KREMEN2: variants seen among roughly 807,000 people sequenced by gnomAD.
KREMEN2 encodes kringle containing transmembrane protein 2.
In KREMEN2, 43 loss-of-function variants were observed where a neutral mutation model predicts 49.8. The observed-to-expected ratio is 0.86, with a 90% CI of 0.68 to 1.11. KREMEN2 has a LOEUF of 1.11. Ranked by LOEUF, KREMEN2 falls within the 50% of genes most tolerant of loss-of-function variation. The probability of loss-of-function intolerance (pLI) is 0.00; values close to 1 mark genes in which losing one functional copy is unlikely to be tolerated. For synonymous variants in KREMEN2, 355 were observed against 304.9 expected (o/e 1.16, Z -1.71); for missense variants, 686 against 665.7 (o/e 1.03, Z -0.34).
chr16:2,964,411 G>T lies in KREMEN2; in HGVS notation c.-110G>T. On this transcript the variant is annotated 5_prime_UTR_variant, in exon 1 of 9. Coordinates refer to ENST00000303746, the MANE Select transcript of KREMEN2 (RefSeq NM_172229.3). ...AGCGCGGCTCAGAGTCGGACGAGGG[G>T]AGACTGTCAGAGGACAACGCCCCCT... 1.4e-6 allele frequency: 1 copy of T among 726,542 alleles called. No homozygotes were observed. The highest frequency in any genetic ancestry group is 2.3e-6 in the Non-Finnish European group (1 of 436,800). The allele number at this position is 726,542 out of a possible 1,614,324, so 45.0% of individuals were successfully genotyped here. A position where few individuals can be genotyped will look rare whatever the true frequency, so the allele number is the denominator to read the frequency against.
chr16:2,967,746 GC>G, intron 8 of KREMEN2, 63 bp from the exon 9 acceptor site: 2 of 1,543,580 alleles, frequency 1.3e-6, no homozygotes, highest in Admixed American at 3.9e-5. Flanking sequence ...GCGCGGGATC[GC>G]AGGTAGAGCA....
rs1360821031 is a variant in KREMEN2 at position 2,967,327 on chromosome 16, G to A, written c.981G>A (p.Gln327=). ...QGFALTYRGL[Q]DAAEDPEAPE... ...TCACGCCCCTCTCCGCAGGGCTGCA[G>A]GACGCCGCTGAGGACCCAGAGGCCC... The change falls in exon 7 of 9, where the codon CAG becomes CAA. Residue 327 remains glutamine (Q), a synonymous_variant. Transcript: ENST00000303746. 1.6e-5 allele frequency: 22 copies of A among 1,400,528 alleles called. No individual in the cohort carries two copies. Among genetic ancestry groups the A allele is most frequent in the Non-Finnish European group, 2.0e-5 (22 of 1,088,740 alleles). The allele number at this position is 1,400,528 out of a possible 1,614,324, so 86.8% of individuals were successfully genotyped here.
In KREMEN2 at chr16:2,968,316, G is replaced by A. The variant is rs1273185663; in HGVS notation, c.*296G>A. The A allele has an allele frequency of 6.6e-6, 10 of 1,512,474 alleles. No individual in the cohort carries two copies. The highest frequency in any genetic ancestry group is 4.8e-5 in the South Asian group (4 of 83,564). 93.7% of individuals were successfully genotyped at this position (1,512,474 alleles called of 1,614,324 possible). ...CCTGGACTGCCGTCCTCAGTGAGAG[G>A]TCACAGGTCAGCAAAAACAGTCAAA... On this transcript the variant is annotated 3_prime_UTR_variant, in exon 9 of 9. Coordinates refer to ENST00000303746, the MANE Select transcript of KREMEN2 (RefSeq NM_172229.3).
chr16:2,966,269 G>T lies in KREMEN2; in HGVS notation c.361+38G>T. ...GCTGGACAGAGGTGGGAACGCTGCT[G>T]CATCTGGGAGGAGGGTTGTTTTCGG... On this transcript the variant is annotated intron_variant, in intron 3 of 8. Transcript: ENST00000303746. The surrounding 1 kb of genome is among the most constrained non-coding windows in gnomAD (Gnocchi z 8.4). The T allele has an allele frequency of 6.2e-7, 1 of 1,613,312 alleles. No homozygotes were observed. The highest frequency in any genetic ancestry group is 8.5e-7 in the Non-Finnish European group (1 of 1,179,940).
Position 2,967,240 on chromosome 16 carries a change from G to C in KREMEN2, c.971G>C (p.Arg324Pro). Residue 324 changes from arginine (R) to proline (P), a missense_variant and splice_region_variant, in exon 6 of 9, where the codon CGC (arginine) becomes CCC (proline). Arg to Pro is a moderately radical substitution (Grantham distance 103). Coordinates refer to ENST00000303746, the MANE Select transcript of KREMEN2 (RefSeq NM_172229.3). The stretch of plus-strand genomic sequence containing the variant: ...GCGCAAGGCTTCGCGCTCACCTACC[G>C]CGGTGAGCCTCAGCTCGGCGCGCCC... Reference protein sequence around the residue: ...GHAQGFALTYRGLQDAAEDPE... With the variant: ...GHAQGFALTYPGLQDAAEDPE... 7.4e-7 allele frequency: 1 copy of C among 1,351,874 alleles called. No homozygotes were observed. Among genetic ancestry groups the C allele is most frequent in the Non-Finnish European group, 9.4e-7 (1 of 1,060,388 alleles). 83.7% of individuals were successfully genotyped at this position (1,351,874 alleles called of 1,614,324 possible).
At chr16:2,967,726 ACAGGATCGCGCG>A in intron 8 of KREMEN2, 72 bp from the exon 9 acceptor site, 1 of 1,545,526 alleles carries the variant, frequency 6.5e-7, no homozygotes, top group East Asian at 2.4e-5. Flanking sequence ...GGGTCCACGC[ACAGGATCGCGCG>A]CGGGATCGCA....
Position 2,967,622 on chromosome 16 carries a change from A to G in KREMEN2, c.1178+18A>G. On this transcript the variant is annotated intron_variant, in intron 8 of 8. Coordinates refer to ENST00000303746, the MANE Select transcript of KREMEN2 (RefSeq NM_172229.3). ...CGCCGACGGTGCGGGGCGCTGGGGC[A>G]GGGCCTGAGGGCGGACCGGTGGTGG... The G allele has an allele frequency of 6.5e-7, 1 of 1,529,806 alleles. No homozygotes were observed. The allele number at this position is 1,529,806 out of a possible 1,614,324, so 94.8% of individuals were successfully genotyped here. A position where few individuals can be genotyped will look rare whatever the true frequency, so the allele number is the denominator to read the frequency against.
At position 2,964,533 on chromosome 16, in the gene KREMEN2, G is replaced by C. The variant is rs1486952789; in HGVS notation, c.13G>C (p.Ala5Pro). 7.5e-6 allele frequency: 12 copies of C among 1,595,722 alleles called. No individual in the cohort carries two copies. Among genetic ancestry groups the C allele is most frequent in the Non-Finnish European group, 1.0e-5 (12 of 1,171,716 alleles). Residue 5 changes from alanine (A) to proline (P), a missense_variant, in exon 1 of 9, where the codon GCC (alanine) becomes CCC (proline). Transcript: ENST00000303746. ...TTGGTTGAGAGCGATGGGGACACAA[G>C]CCCTGCAGGGCTTCCTCTTTCTCCT... MGTQ[A>P]LQGFLFLLFL...
At chr16:2,965,984 G>A (rs528111407) in intron 2 of KREMEN2, among the ~76,000 whole-genome samples, 156 bp from the exon 3 acceptor site, 1 of 152,320 alleles carries the variant, frequency 6.6e-6, no homozygotes, top group South Asian at 2.1e-4. Flanking sequence ...AGAGTTCTGC[G>A]TAGACAAAAC....
At position 2,968,336 on chromosome 16, in the gene KREMEN2, G is replaced by T; in HGVS notation, c.*316G>T. ...GAGAGGTCACAGGTCAGCAAAAACA[G>T]TCAAAAAACCCCCACAGATTTTGAA... On this transcript the variant is annotated 3_prime_UTR_variant, in exon 9 of 9. Coordinates refer to ENST00000303746, the MANE Select transcript of KREMEN2 (RefSeq NM_172229.3). 6.5e-7 allele frequency: 1 copy of T among 1,534,230 alleles called. No individual in the cohort carries two copies. The highest frequency in any genetic ancestry group is 2.0e-5 in the Admixed American group (1 of 51,008).
Position 2,967,369 on chromosome 16 carries a change from G to A in KREMEN2, c.1023G>A (p.Gln341=). ...CAGAGGCCCCCGAGGGCTCGGCCCAGACCCCCGCGGCGCCCCTCGACGGGG... is the reference window on the plus strand; with the variant it reads ...CAGAGGCCCCCGAGGGCTCGGCCCAAACCCCCGCGGCGCCCCTCGACGGGG... ...EDPEAPEGSA[Q]TPAAPLDGAN... The change falls in exon 7 of 9, where the codon CAG becomes CAA. Residue 341 remains glutamine, a synonymous_variant. Coordinates refer to ENST00000303746, the MANE Select transcript of KREMEN2 (RefSeq NM_172229.3). The A allele has an allele frequency of 7.1e-7, 1 of 1,401,894 alleles. No individual in the cohort carries two copies. The highest frequency in any genetic ancestry group is 9.2e-7 in the Non-Finnish European group (1 of 1,089,626). The allele number at this position is 1,401,894 out of a possible 1,614,324, so 86.8% of individuals were successfully genotyped here. A position where few individuals can be genotyped will look rare whatever the true frequency, so the allele number is the denominator to read the frequency against.
intron 2 of KREMEN2, among the ~76,000 whole-genome samples, chr16:2,965,769 CA>C (rs5815141): frequency 0.36 from 42,033 of 115,502 alleles, 6,497 homozygotes; most frequent in Non-Finnish European, 0.41. Context: ...AGACTCGTCT[CA>C]AAAAAAAAAA....
intron 7 of KREMEN2, 36 bp from the exon 8 acceptor site, chr16:2,967,490 C>G: frequency 6.7e-7 from 1 of 1,502,188 alleles, no homozygotes; most frequent in Non-Finnish European, 8.8e-7. Flanking sequence ...GAGCCGCCCC[C>G]TCGCGCCCAT....
intron 8 of KREMEN2, 100 bp from the exon 9 acceptor site, chr16:2,967,710 G>A (rs765655237): frequency 1.9e-6 from 3 of 1,548,134 alleles, no homozygotes; most frequent in East Asian, 4.9e-5. Context: ...AAGGGAGCGA[G>A]GCTTTGGGTC....
intron 1 of KREMEN2, 92 bp from the exon 2 acceptor site, chr16:2,964,767 G>A: frequency 5.4e-6 from 8 of 1,483,388 alleles, no homozygotes; most frequent in Non-Finnish European, 7.3e-6. Context: ...GTGCGGGGTC[G>A]CTGGCTGGGG....
In KREMEN2 at chr16:2,967,781, G is replaced by A. The variant is rs777119720; in HGVS notation, c.1179-29G>A. 8.4e-6 allele frequency: 13 copies of A among 1,548,198 alleles called. No individual in the cohort carries two copies. In the South Asian group the frequency reaches 1.1e-4, roughly 13 times the overall value. On this transcript the variant is annotated intron_variant, in intron 8 of 8. Coordinates refer to ENST00000303746, the MANE Select transcript of KREMEN2 (RefSeq NM_172229.3). ...CAGGACGCTGCAGCGGGATTGGACC[G>A]GCTCGGCTGATGTCTGCTCCCTCTC...
Position 2,966,422 on chromosome 16 carries a change from A to G in KREMEN2, c.459A>G (p.Leu153=). The change falls in exon 4 of 9, where the codon CTA becomes CTG. Residue 153 remains leucine, a synonymous_variant. Coordinates refer to ENST00000303746, the MANE Select transcript of KREMEN2 (RefSeq NM_172229.3). The surrounding 1 kb of genome is among the most constrained non-coding windows in gnomAD (Gnocchi z 8.4). ...CGAAGCTCACGGTCCAGGTGTGCCTACGCTTCTGCCGCATGAAGGGGTACC... is the reference window on the plus strand; with the variant it reads ...CGAAGCTCACGGTCCAGGTGTGCCTGCGCTTCTGCCGCATGAAGGGGTACC... ...TSTKLTVQVC[L]RFCRMKGYQL... The G allele has an allele frequency of 6.2e-7, 1 of 1,611,030 alleles. No individual in the cohort carries two copies. Among genetic ancestry groups the G allele is most frequent in the Non-Finnish European group, 8.5e-7 (1 of 1,179,996 alleles).
At chr16:2,967,761 C>A in intron 8 of KREMEN2, 49 bp from the exon 9 acceptor site, 1 of 1,544,936 alleles carries the variant, frequency 6.5e-7, no homozygotes, top group Non-Finnish European at 8.8e-7. Flanking sequence ...TAGAGCAGGA[C>A]GCTGCAGCGG....
chr16:2,966,689 C>A lies in KREMEN2; in HGVS notation c.534C>A (p.Ser178Arg). ...ACGCCTGCTTCTGTGGCTCTGAAAG[C>A]GACCTGGCCCGGGGACGCCTGGCCC... is the stretch of plus-strand genomic sequence containing the variant. ...AGYACFCGSE[S>R]DLARGRLAPA... Residue 178 changes from serine to arginine, a missense_variant, in exon 5 of 9, where the codon AGC (serine) becomes AGA (arginine). Physicochemically the swap from Ser to Arg is moderately radical, Grantham distance 110. Coordinates refer to ENST00000303746, the MANE Select transcript of KREMEN2 (RefSeq NM_172229.3). The surrounding 1 kb of genome is among the most constrained non-coding windows in gnomAD (Gnocchi z 8.4). 6.2e-7 allele frequency: 1 copy of A among 1,611,382 alleles called. No individual in the cohort carries two copies. The highest frequency in any genetic ancestry group is 1.7e-5 in the Admixed American group (1 of 60,018).
Sources: allele counts gnomAD v4.1 joint callset (sites outside exome capture counted in the v4.1 genomes callset), GRCh38; gene constraint gnomAD v4.1.1; non-coding constraint Gnocchi (gnomAD v3.1); transcripts MANE v1.5; gene names NCBI Gene and HGNC (gene_info 2026-07-23, HGNC 2026-07-21).